HS3ST5: variants seen among roughly 807,000 people sequenced by gnomAD.
The protein encoded by HS3ST5 is heparan sulfate-glucosamine 3-sulfotransferase 5.
In HS3ST5, 10 loss-of-function variants were observed where a neutral mutation model predicts 25.4. The observed-to-expected ratio is 0.39, with a 90% CI of 0.24 to 0.67. HS3ST5 has a LOEUF of 0.67. Among genes scored for constraint, HS3ST5 ranks in the 30% least tolerant of loss-of-function variants. HS3ST5 has a pLI of 0.44. For synonymous variants in HS3ST5, 170 were observed against 162.4 expected, an observed-to-expected ratio of 1.05 and a Z score of -0.36; for missense variants, 324 against 420.7, an observed-to-expected ratio of 0.77 and a Z score of 2.01.
At chr6:114,147,086 A>G (rs544826831) in intron 3 of HS3ST5, among the ~76,000 whole-genome samples, 30 of 152,120 alleles carry the variant, frequency 2.0e-4, no homozygotes, top group Admixed American at 1.7e-3. Flanking sequence ...CTACACTAAC[A>G]CTATATAGGG....
chr6:114,217,541 G>A (rs536677591), intron 2 of HS3ST5, among the ~76,000 whole-genome samples: 2 of 152,248 alleles, frequency 1.3e-5, no homozygotes, highest in Admixed American at 6.5e-5. Flanking sequence ...CAAGATTTCC[G>A]TTTTGGAACA....
intron 1 of HS3ST5, among the ~76,000 whole-genome samples, chr6:114,330,651 T>C (rs1337304915): frequency 6.6e-6 from 1 of 152,216 alleles, no homozygotes; most frequent in Admixed American, 6.5e-5. Flanking sequence ...TTTCCTTTTC[T>C]GCACTGTACT....
intron 3 of HS3ST5, chr6:114,084,353 C>A: frequency 1.3e-6 from 1 of 757,878 alleles, no homozygotes; most frequent in South Asian, 1.3e-5. Flanking sequence ...AACTCAGGAG[C>A]TGAATCAGTC....
chr6:114,318,555 T>C (rs1209006525), intron 1 of HS3ST5, among the ~76,000 whole-genome samples: 4 of 152,170 alleles, frequency 2.6e-5, no homozygotes, highest in Non-Finnish European at 5.9e-5. Context: ...ATTTCCTATT[T>C]CTATGTACAA....
At chr6:114,340,420 G>A (rs1776779456) in intron 1 of HS3ST5, 1 of 152,216 alleles carries the variant, frequency 6.6e-6, no homozygotes, top group Admixed American at 6.5e-5. Flanking sequence ...GGCCAAAGCA[G>A]TTTTCTTTTT....
chr6:114,139,162 A>G (rs1335553242), intron 3 of HS3ST5, among the ~76,000 whole-genome samples: 1 of 152,082 alleles, frequency 6.6e-6, no homozygotes, highest in African/African-American at 2.4e-5. Context: ...CTCCTTTCAG[A>G]TGTGCTTATA....
At chr6:114,246,689 T>C (rs1264952866) in intron 1 of HS3ST5, among the ~76,000 whole-genome samples, 5 of 152,240 alleles carry the variant, frequency 3.3e-5, no homozygotes, top group Non-Finnish European at 2.9e-5. Flanking sequence ...CGTCTTCTAC[T>C]CAAAATCAAG....
At chr6:114,267,135 A>T (rs931761258) in intron 1 of HS3ST5, among the ~76,000 whole-genome samples, 5 of 152,242 alleles carry the variant, frequency 3.3e-5, no homozygotes, top group Non-Finnish European at 5.9e-5. Flanking sequence ...ATGGGAAAAA[A>T]ATCAAATAAC....
At chr6:114,086,969 T>C (rs980913104) in intron 3 of HS3ST5, among the ~76,000 whole-genome samples, 4 of 152,206 alleles carry the variant, frequency 2.6e-5, no homozygotes, top group East Asian at 1.9e-4. Flanking sequence ...TGGGTTGTAA[T>C]CTGTAAACTA....
chr6:114,130,115 T>C lies in HS3ST5; in HGVS notation c.-33+38236A>G, dbSNP rs373007493. ...CATCTATTGGTTCTGTGTTGTCCAG[T>C]ATGGTAGCCACTAGCCATATTTGGC... On this transcript the variant is annotated intron_variant, in intron 3 of 4. Coordinates refer to ENST00000312719, the MANE Select transcript of HS3ST5 (RefSeq NM_153612.4). Among the ~76,000 whole-genome samples the C allele has an allele frequency of 5.5e-3, 838 of 152,340 alleles. 13 individuals carry two copies. The South Asian group carries it at 0.061, about 11-fold the overall frequency.
chr6:114,219,586 T>C (rs1781935699), intron 2 of HS3ST5, among the ~76,000 whole-genome samples: 1 of 152,184 alleles, frequency 6.6e-6, no homozygotes, highest in Non-Finnish European at 1.5e-5. Flanking sequence ...AATTAGTTAT[T>C]TTCACAGTTT....
chr6:114,303,780 T>C (rs938368221), intron 1 of HS3ST5, among the ~76,000 whole-genome samples: 2 of 152,182 alleles, frequency 1.3e-5, no homozygotes, highest in Admixed American at 1.3e-4. Flanking sequence ...ATATAATGCA[T>C]GCAATTATTT....
intron 2 of HS3ST5, among the ~76,000 whole-genome samples, chr6:114,180,301 A>G (rs559443035): frequency 1.3e-5 from 2 of 152,156 alleles, no homozygotes; most frequent in South Asian, 2.1e-4. Context: ...CTATCTCCCA[A>G]TGTATGTCAC....
chr6:114,314,300 T>G (rs1775662276), intron 1 of HS3ST5, among the ~76,000 whole-genome samples: 1 of 152,168 alleles, frequency 6.6e-6, no homozygotes, highest in Non-Finnish European at 1.5e-5. Context: ...AATTATCAGG[T>G]GACACTGAAG....
chr6:114,203,509 T>C (rs1781125527), intron 2 of HS3ST5, among the ~76,000 whole-genome samples: 1 of 152,218 alleles, frequency 6.6e-6, no homozygotes, highest in Non-Finnish European at 1.5e-5. Context: ...CAGTCGCTCC[T>C]ATAGATAACA....
chr6:114,284,367 T>A (rs1271769920), intron 1 of HS3ST5, among the ~76,000 whole-genome samples: 1 of 152,056 alleles, frequency 6.6e-6, no homozygotes, highest in African/African-American at 2.4e-5. Flanking sequence ...TCTATTTTTT[T>A]AAACTTTTTT....
At chr6:114,242,800 C>T (rs1395326574) in intron 1 of HS3ST5, among the ~76,000 whole-genome samples, 1 of 150,502 alleles carries the variant, frequency 6.6e-6, no homozygotes, top group African/African-American at 2.4e-5. Context: ...TTGCAGTGAG[C>T]CGAGATTGCG....
intron 3 of HS3ST5, among the ~76,000 whole-genome samples, chr6:114,144,988 A>G (rs2114944011): frequency 1.3e-5 from 2 of 152,328 alleles, no homozygotes; most frequent in Middle Eastern, 6.8e-3. Flanking sequence ...AGCCTGGGCC[A>G]TTCAAACATC....
chr6:114,270,899 G>A (rs1321294672), intron 1 of HS3ST5, among the ~76,000 whole-genome samples: 1 of 151,182 alleles, frequency 6.6e-6, no homozygotes, highest in Non-Finnish European at 1.5e-5. Flanking sequence ...CAGAAAAGTG[G>A]AGAAAAAAGA....
Sources: gnomAD v4.1 joint callset for allele counts (sites outside exome capture counted in the v4.1 genomes callset) on GRCh38, gnomAD v4.1.1 for gene constraint, MANE v1.5 for transcripts, NCBI Gene and HGNC (gene_info 2026-07-23, HGNC 2026-07-21) for gene names.